RANBP2: variants seen among roughly 807,000 people sequenced by gnomAD.
The protein encoded by RANBP2 is E3 SUMO-protein ligase RanBP2.
Under a neutral mutation model 303.6 loss-of-function variants are expected in RANBP2, and 57 were observed. The ratio of observed to expected loss-of-function variants is 0.19; its 90% CI spans 0.15 to 0.23. The LOEUF is 0.23. RANBP2 is among the 10% of genes least tolerant of loss of function. The probability of loss-of-function intolerance (pLI) is 1.00; values close to 1 mark genes in which losing one functional copy is unlikely to be tolerated. For missense variants in RANBP2, 3,138 were observed against 3,780.8 expected (o/e 0.83, Z 4.46); for synonymous variants, 1,167 against 1,301.5 (o/e 0.90, Z 2.23).
the RANBP2 span, among the ~76,000 whole-genome samples, chr2:109,455,120 G>A: frequency 3.6e-3 from 548 of 152,320 alleles, 3 homozygotes; most frequent in Non-Finnish European, 5.7e-3. Context: ...GCATGGGAAT[G>A]CTGGCCTCCT....
chr2:108,991,551 GC>G, the RANBP2 span, among the ~76,000 whole-genome samples: 3 of 152,182 alleles, frequency 2.0e-5, no homozygotes, highest in Non-Finnish European at 4.4e-5. Flanking sequence ...ACACATAACA[GC>G]CCGGCCAGCC....
At chr2:109,585,185 T>G in the RANBP2 span, 2 of 1,610,918 alleles carry the variant, frequency 1.2e-6, no homozygotes, top group Non-Finnish European at 1.7e-6. Context: ...TCAATTTCAA[T>G]TGAACATTAC....
the RANBP2 span, among the ~76,000 whole-genome samples, chr2:109,082,796 A>C: frequency 3.3e-5 from 5 of 150,324 alleles, no homozygotes; most frequent in East Asian, 3.9e-4. Context: ...ACTGCACTCC[A>C]GCCTGGACGA....
rs754227506 is a variant in RANBP2 at position 108,736,187 on chromosome 2, T to C, written c.720T>C (p.Ala240=). The change falls in exon 6 of 29, where the codon GCT becomes GCC. Residue 240 remains alanine (A), a synonymous_variant. Coordinates refer to ENST00000283195, the MANE Select transcript of RANBP2 (RefSeq NM_006267.5). ...ATACAGACTTACTGCTGGCCTATGC[T>C]AATCTTATGCTTCTTACGCTTTCCA... ...ATNTDLLLAY[A]NLMLLTLSTR... 1 of 1,611,982 alleles carries C rather than the reference T, an allele frequency of 6.2e-7. No individual in the cohort carries two copies. The highest frequency in any genetic ancestry group is 1.1e-5 in the South Asian group (1 of 90,986).
At chr2:108,934,440 A>G in the RANBP2 span, among the ~76,000 whole-genome samples, 2 of 152,182 alleles carry the variant, frequency 1.3e-5, no homozygotes, top group African/African-American at 4.8e-5. Context: ...GACCTGACTG[A>G]CGTGGGGCTC....
At chr2:109,199,617 T>TCAAC in the RANBP2 span, among the ~76,000 whole-genome samples, 4 of 258 alleles carry the variant, frequency 0.016, no homozygotes, top group African/African-American at 0.024. Flanking sequence ...TGGAATGGAA[T>TCAAC]GGAATGGAAT....
In RANBP2 at chr2:108,740,680, A is replaced by G. The variant is rs547648155; in HGVS notation, c.974A>G (p.Gln325Arg). Reference protein sequence around the residue: ...LAALCYLIAFQVPRPKIKLIK... With the variant: ...LAALCYLIAFRVPRPKIKLIK... ...GCATTGTGCTATCTCATAGCATTTC[A>G]GGTAAGTCTTCCACTTGTAGGAGCA... Residue 325 changes from glutamine to arginine, a missense_variant and splice_region_variant, in exon 7 of 29, where the codon CAG becomes CGG. By Grantham distance (43) the Gln-to-Arg change is conservative (BLOSUM62 1). Coordinates refer to ENST00000283195, the MANE Select transcript of RANBP2 (RefSeq NM_006267.5). 3.8e-6 allele frequency: 6 copies of G among 1,597,512 alleles called. No individual in the cohort carries two copies. In the African/African-American group the frequency reaches 6.7e-5, roughly 18 times the overall value.
the RANBP2 span, among the ~76,000 whole-genome samples, chr2:109,318,708 C>A: frequency 6.6e-6 from 1 of 152,138 alleles, no homozygotes; most frequent in South Asian, 2.1e-4. Context: ...GGCCAGAATC[C>A]GGGGCTGCCC....
At chr2:109,145,425 T>C in the RANBP2 span, among the ~76,000 whole-genome samples, 1 of 152,208 alleles carries the variant, frequency 6.6e-6, no homozygotes, top group Admixed American at 6.5e-5. Flanking sequence ...GTTGGCTCTT[T>C]GCTTATGGAA....
Position 108,766,174 on chromosome 2 carries a change from A to G in RANBP2, c.5635A>G (p.Asn1879Asp), listed in dbSNP as rs1166760088. Reference protein sequence around the residue: ...SPSFMFQGSSNTEFKSTKEGF... With the variant: ...SPSFMFQGSSDTEFKSTKEGF... ...TTCATTTATGTTTCAGGGTTCTTCTAATACAGAATTTAAGTCAACCAAAGA... is the reference window on the plus strand; with the variant it reads ...TTCATTTATGTTTCAGGGTTCTTCTGATACAGAATTTAAGTCAACCAAAGA... Residue 1879 changes from asparagine to aspartate, a missense_variant, in exon 20 of 29, where the codon AAT becomes GAT. Asn to Asp is a conservative substitution (Grantham distance 23). Transcript: ENST00000283195. 2 of 1,612,340 alleles carry G rather than the reference A, an allele frequency of 1.2e-6. No individual in the cohort carries two copies. The highest frequency in any genetic ancestry group is 1.7e-5 in the Admixed American group (1 of 59,992).
At chr2:109,299,341 C>T in the RANBP2 span, among the ~76,000 whole-genome samples, 26 of 152,152 alleles carry the variant, frequency 1.7e-4, no homozygotes, top group African/African-American at 6.0e-4. Context: ...GGATATTTTC[C>T]CATTTGGGTT....
the RANBP2 span, among the ~76,000 whole-genome samples, chr2:109,539,303 G>GA: frequency 2.6e-5 from 4 of 151,228 alleles, no homozygotes; most frequent in African/African-American, 4.9e-5. Flanking sequence ...GTCTCAAAAA[G>GA]AAAAAAAATA....
At chr2:109,695,071 AT>A in the RANBP2 span, among the ~76,000 whole-genome samples, 1 of 151,926 alleles carries the variant, frequency 6.6e-6, no homozygotes, top group Non-Finnish European at 1.5e-5. Context: ...CCATTATACT[AT>A]TGAGCCCACT....
chr2:108,835,882 A>G, the RANBP2 span, among the ~76,000 whole-genome samples: 1 of 152,338 alleles, frequency 6.6e-6, no homozygotes, highest in African/African-American at 2.4e-5. Flanking sequence ...AGCATCTGAT[A>G]GGGGCTTTCT....
chr2:109,586,935 G>A, the RANBP2 span, among the ~76,000 whole-genome samples: 3 of 152,088 alleles, frequency 2.0e-5, no homozygotes, highest in African/African-American at 7.2e-5. Flanking sequence ...AGACTCTGCA[G>A]AAGAAGAAAA....
chr2:109,431,704 T>A, the RANBP2 span, among the ~76,000 whole-genome samples: 1 of 152,150 alleles, frequency 6.6e-6, no homozygotes, highest in Non-Finnish European at 1.5e-5. Flanking sequence ...GGACCCCATC[T>A]TTACAAAAAA....
At chr2:109,735,829 T>A in the RANBP2 span, among the ~76,000 whole-genome samples, 1 of 152,160 alleles carries the variant, frequency 6.6e-6, no homozygotes, top group African/African-American at 2.4e-5. Context: ...TTTGAAACTC[T>A]GCCTTCAGTG....
the RANBP2 span, among the ~76,000 whole-genome samples, chr2:109,410,117 C>G: frequency 6.6e-6 from 1 of 152,170 alleles, no homozygotes; most frequent in African/African-American, 2.4e-5. Context: ...CATTAAAATG[C>G]AGCGGAGGAG....
At chr2:109,165,325 C>T in the RANBP2 span, among the ~76,000 whole-genome samples, 6 of 152,166 alleles carry the variant, frequency 3.9e-5, no homozygotes, top group Non-Finnish European at 5.9e-5. Flanking sequence ...TTTCTCATTC[C>T]CTCCCTCATC....
Sources: allele counts gnomAD v4.1 joint callset (sites outside exome capture counted in the v4.1 genomes callset), GRCh38; gene constraint gnomAD v4.1.1; transcripts MANE v1.5; gene names NCBI Gene and HGNC (gene_info 2026-07-23, HGNC 2026-07-21).